Variants in EYS observed in about 807,000 individuals in gnomAD.
The protein encoded by EYS is protein eyes shut homolog.
In EYS, 250 loss-of-function variants were observed where a neutral mutation model predicts 282.1. The observed-to-expected ratio is 0.89, with a 90% confidence interval of 0.80 to 0.98. EYS has a LOEUF of 0.98. Ranked by LOEUF, EYS falls within the 50% of genes least tolerant of loss-of-function variation. The pLI is 0.00. For synonymous variants in EYS, 1,355 were observed against 1,282.9 expected (o/e 1.06, Z -1.20); for missense variants, 4,016 against 3,709.0 (o/e 1.08, Z -2.15).
intron 12 of EYS, among the ~76,000 whole-genome samples, chr6:65,254,570 T>A (rs2150253292): frequency 6.6e-6 from 1 of 151,960 alleles, no homozygotes; most frequent in Non-Finnish European, 1.5e-5. Flanking sequence ...GATTCCAAAG[T>A]TATTGTGGAA....
At position 64,638,570 on chromosome 6, in the gene EYS, T is replaced by A. The variant is rs186925132; in HGVS notation, c.3444-12325A>T. 1.6e-3 allele frequency among the ~76,000 whole-genome samples: 150 copies of A among 91,528 alleles called. 49 individuals carry two copies. The highest frequency in any genetic ancestry group is 5.7e-3 in the African/African-American group (138 of 24,090). 60.0% of individuals were successfully genotyped at this position (91,528 alleles called of 152,430 possible). ...TTTAACATGTGTCTTTTTCATTATT[T>A]GGGAGAGTTCTAGAATGAGCAAGAC... is the stretch of plus-strand genomic sequence containing the variant. On this transcript the variant is annotated intron_variant, in intron 22 of 42. Coordinates refer to ENST00000503581, the MANE Select transcript of EYS (RefSeq NM_001142800.2).
intron 28 of EYS, among the ~76,000 whole-genome samples, chr6:64,426,963 G>T (rs1467354146): frequency 1.3e-5 from 2 of 151,958 alleles, no homozygotes; most frequent in African/African-American, 4.8e-5. Flanking sequence ...TGTTTCAAAT[G>T]ATATGAAAAT....
At chr6:64,369,186 C>G (rs564851939) in intron 29 of EYS, among the ~76,000 whole-genome samples, 2 of 152,196 alleles carry the variant, frequency 1.3e-5, no homozygotes, top group African/African-American at 4.8e-5. Flanking sequence ...GGAGTCCTTT[C>G]CCTATTACTT....
At chr6:64,458,632 A>G (rs1240153090) in intron 26 of EYS, among the ~76,000 whole-genome samples, 2 of 151,892 alleles carry the variant, frequency 1.3e-5, no homozygotes, top group African/African-American at 4.8e-5. Context: ...ATTTTTTGAG[A>G]ATATGATTAT....
At chr6:64,182,001 T>C (rs905163454) in intron 31 of EYS, among the ~76,000 whole-genome samples, 1 of 152,188 alleles carries the variant, frequency 6.6e-6, no homozygotes, top group East Asian at 1.9e-4. Context: ...ATTGTTTCAC[T>C]CACTCATTGA....
chr6:64,737,847 T>A (rs1335458026), intron 22 of EYS, among the ~76,000 whole-genome samples: 1 of 152,180 alleles, frequency 6.6e-6, no homozygotes, highest in African/African-American at 2.4e-5. Context: ...GAGGTCACAG[T>A]TTCCATTTGA....
intron 22 of EYS, among the ~76,000 whole-genome samples, chr6:64,709,843 G>A (rs545311305): frequency 6.6e-6 from 1 of 152,134 alleles, no homozygotes; most frequent in Non-Finnish European, 1.5e-5. Context: ...ACTGCAAACT[G>A]GTGATTTTTT....
intron 2 of EYS, among the ~76,000 whole-genome samples, chr6:65,506,069 A>G (rs1440160738): frequency 6.6e-6 from 1 of 152,140 alleles, no homozygotes; most frequent in Non-Finnish European, 1.5e-5. Flanking sequence ...TGCTAGGTGC[A>G]TGCACATATA....
At chr6:64,217,786 C>T (rs894934030) in intron 31 of EYS, among the ~76,000 whole-genome samples, 1 of 152,028 alleles carries the variant, frequency 6.6e-6, no homozygotes, top group African/African-American at 2.4e-5. Context: ...TACCATCTCC[C>T]CAAATCTTAT....
At chr6:64,195,981 C>T (rs1224326996) in intron 31 of EYS, among the ~76,000 whole-genome samples, 4 of 152,084 alleles carry the variant, frequency 2.6e-5, no homozygotes, top group African/African-American at 4.8e-5. Flanking sequence ...AGAAAATTTT[C>T]GCAACCTACT....
At chr6:64,607,865 C>T (rs184537212) in intron 24 of EYS, among the ~76,000 whole-genome samples, 11 of 152,126 alleles carry the variant, frequency 7.2e-5, no homozygotes, top group South Asian at 2.1e-4. Context: ...TATGAATAAG[C>T]GACCAACATC....
chr6:64,733,277 A>G (rs1024918831), intron 22 of EYS: 2 of 156,772 alleles, frequency 1.3e-5, no homozygotes, highest in Admixed American at 1.3e-4. Flanking sequence ...CTGCTTCTCA[A>G]AGCACCTCCA....
At chr6:63,853,300 T>A (rs1772307213) in intron 36 of EYS, among the ~76,000 whole-genome samples, 1 of 152,030 alleles carries the variant, frequency 6.6e-6, no homozygotes, top group Admixed American at 6.5e-5. Context: ...GAACACAAAA[T>A]CAATATGCAA....
intron 1 of EYS, among the ~76,000 whole-genome samples, chr6:65,662,230 T>G (rs1768031846): frequency 6.6e-6 from 1 of 152,096 alleles, no homozygotes; most frequent in Non-Finnish European, 1.5e-5. Context: ...ATTCCCAAAA[T>G]TTACCACTTA....
chr6:64,582,891 G>A (rs1315419690), intron 26 of EYS, among the ~76,000 whole-genome samples: 1 of 152,086 alleles, frequency 6.6e-6, no homozygotes, highest in Non-Finnish European at 1.5e-5. Flanking sequence ...GAAAGAAAAT[G>A]CCAGGATTTT....
chr6:64,444,000 T>C (rs1010515059), intron 26 of EYS, among the ~76,000 whole-genome samples: 5 of 152,172 alleles, frequency 3.3e-5, no homozygotes, highest in African/African-American at 1.2e-4. Context: ...TACAGTGTTT[T>C]AAGAAAGTTA....
At chr6:65,328,538 A>G (rs1451276031) in intron 11 of EYS, among the ~76,000 whole-genome samples, 4 of 151,244 alleles carry the variant, frequency 2.6e-5, no homozygotes, top group Non-Finnish European at 4.5e-5. Flanking sequence ...TGATATCTTG[A>G]AAATATGTAA....
chr6:64,569,837 G>A (rs979450072), intron 26 of EYS, among the ~76,000 whole-genome samples: 1 of 152,222 alleles, frequency 6.6e-6, no homozygotes, highest in Non-Finnish European at 1.5e-5. Flanking sequence ...ACCTGAAAGT[G>A]AGGGGGAGAA....
At chr6:64,335,189 A>G (rs1389829679) in intron 29 of EYS, among the ~76,000 whole-genome samples, 1 of 152,082 alleles carries the variant, frequency 6.6e-6, no homozygotes, top group African/African-American at 2.4e-5. Flanking sequence ...ATAACCTACT[A>G]GTAGTAGTAA....
Sources: allele counts gnomAD v4.1 joint callset (sites outside exome capture counted in the v4.1 genomes callset), GRCh38; gene constraint gnomAD v4.1.1; transcripts MANE v1.5; gene names NCBI Gene and HGNC (gene_info 2026-07-23, HGNC 2026-07-21).